CDH13: variants seen among roughly 807,000 people sequenced by gnomAD.
The protein encoded by CDH13 is cadherin 13.
In CDH13, 24 loss-of-function variants were observed where a neutral mutation model predicts 63.8. That is an observed-to-expected ratio of 0.38 (90% CI 0.27 to 0.53). The LOEUF is 0.53. Among genes scored for constraint, CDH13 ranks in the 20% least tolerant of loss-of-function variants. CDH13 has a pLI of 0.85. For missense variants in CDH13, 1,049 were observed against 903.1 expected (o/e 1.16, Z -2.07); for synonymous variants, 503 against 355.3 (o/e 1.42, Z -4.67).
intron 6 of CDH13, among the ~76,000 whole-genome samples, chr16:83,429,090 A>G (rs1221071603): frequency 6.6e-6 from 1 of 152,212 alleles, no homozygotes; most frequent in Non-Finnish European, 1.5e-5. Flanking sequence ...GAAAGATGGC[A>G]TTAATTCATG....
chr16:83,083,802 C>G (rs1462406893), intron 3 of CDH13, among the ~76,000 whole-genome samples: 1 of 152,204 alleles, frequency 6.6e-6, no homozygotes, highest in African/African-American at 2.4e-5. Context: ...TATTAACCAT[C>G]TGGTCAGGGA....
chr16:83,210,209 C>T (rs1407532864), intron 4 of CDH13, among the ~76,000 whole-genome samples: 4 of 152,064 alleles, frequency 2.6e-5, no homozygotes, highest in Non-Finnish European at 5.9e-5. Flanking sequence ...GGACTATAGG[C>T]GCCTGCCACC....
intron 1 of CDH13, among the ~76,000 whole-genome samples, chr16:82,733,629 G>T (rs2033517028): frequency 6.6e-6 from 1 of 152,158 alleles, no homozygotes; most frequent in Non-Finnish European, 1.5e-5. Flanking sequence ...GGCTTAGTGA[G>T]GTTCTATAGA....
At chr16:82,945,398 G>T (rs1200043662) in intron 2 of CDH13, among the ~76,000 whole-genome samples, 1 of 151,570 alleles carries the variant, frequency 6.6e-6, no homozygotes, top group African/African-American at 2.4e-5. Context: ...CCTGGATCAA[G>T]TACGAAATGG....
At chr16:83,505,314 G>A (rs537801239) in intron 7 of CDH13, among the ~76,000 whole-genome samples, 25 of 152,238 alleles carry the variant, frequency 1.6e-4, no homozygotes, top group African/African-American at 5.5e-4. Context: ...CCTCACCTTA[G>A]TGTACGCTGG....
chr16:83,728,798 G>A (rs977825537), intron 10 of CDH13: 1 of 152,202 alleles, frequency 6.6e-6, no homozygotes, highest in African/African-American at 2.4e-5. Context: ...AGATAGTATT[G>A]TCTTAGCTCA....
At chr16:83,634,381 A>G (rs188732213) in intron 8 of CDH13, among the ~76,000 whole-genome samples, 3 of 151,204 alleles carry the variant, frequency 2.0e-5, no homozygotes, top group East Asian at 1.9e-4. Flanking sequence ...ATCATACAAT[A>G]TGTAACTCTT....
intron 6 of CDH13, among the ~76,000 whole-genome samples, chr16:83,414,697 A>T (rs2092175182): frequency 6.6e-6 from 1 of 152,160 alleles, no homozygotes; most frequent in South Asian, 2.1e-4. Context: ...GGTTTATTTC[A>T]CGTCACATAA....
At chr16:82,774,816 G>C (rs1393082768) in intron 1 of CDH13, among the ~76,000 whole-genome samples, 2 of 152,216 alleles carry the variant, frequency 1.3e-5, no homozygotes, top group Non-Finnish European at 2.9e-5. Flanking sequence ...TGGTCAGGGT[G>C]TGTTCCTGCA....
intron 1 of CDH13, among the ~76,000 whole-genome samples, chr16:82,631,354 C>G (rs999999100): frequency 2.6e-5 from 4 of 152,182 alleles, no homozygotes; most frequent in African/African-American, 9.7e-5. Context: ...AGGAGATAAC[C>G]TTCCCCCTTA....
chr16:82,864,716 C>T (rs2040062522), intron 2 of CDH13, among the ~76,000 whole-genome samples: 1 of 152,140 alleles, frequency 6.6e-6, no homozygotes, highest in Non-Finnish European at 1.5e-5. Flanking sequence ...CCATGTTATT[C>T]CGCCCCTGGT....
chr16:82,774,342 T>C (rs1192651694), intron 1 of CDH13, among the ~76,000 whole-genome samples: 1 of 151,520 alleles, frequency 6.6e-6, no homozygotes, highest in Non-Finnish European at 1.5e-5. Context: ...TTTTTTCATT[T>C]CTACATGGCT....
At chr16:83,146,419 G>T (rs1015322900) in intron 4 of CDH13, among the ~76,000 whole-genome samples, 28 of 152,112 alleles carry the variant, frequency 1.8e-4, no homozygotes, top group Admixed American at 4.6e-4. Context: ...GTGCAGCCAT[G>T]TCAGGACCAG....
intron 4 of CDH13, 54 bp from the exon 5 acceptor site, chr16:83,217,291 G>A (rs1380540563): frequency 6.3e-7 from 1 of 1,585,938 alleles, no homozygotes. Context: ...TTTGCAATGT[G>A]CTTTCTCTGT....
At chr16:83,237,554 T>C (rs188017048) in intron 5 of CDH13, among the ~76,000 whole-genome samples, 1 of 152,366 alleles carries the variant, frequency 6.6e-6, no homozygotes, top group Admixed American at 6.5e-5. Flanking sequence ...AACTGAGTTC[T>C]TAATTACTGT....
intron 1 of CDH13, among the ~76,000 whole-genome samples, chr16:82,804,425 CAA>C (rs1419103433): frequency 6.6e-6 from 1 of 151,908 alleles, no homozygotes; most frequent in Non-Finnish European, 1.5e-5. Flanking sequence ...TAAAACATAT[CAA>C]ATTGTATACA....
At chr16:83,347,392 G>C (rs1193270071) in intron 6 of CDH13, among the ~76,000 whole-genome samples, 1 of 152,018 alleles carries the variant, frequency 6.6e-6, no homozygotes, top group African/African-American at 2.4e-5. Flanking sequence ...GTTGGGGGCT[G>C]ACTCTGGAAA....
At chr16:82,995,203 T>A (rs539393814) in intron 2 of CDH13, among the ~76,000 whole-genome samples, 7 of 152,262 alleles carry the variant, frequency 4.6e-5, no homozygotes, top group African/African-American at 1.4e-4. Flanking sequence ...TTTATTCAAC[T>A]CAACTGTGGC....
intron 1 of CDH13, among the ~76,000 whole-genome samples, chr16:82,846,689 C>T (rs1811286836): frequency 6.6e-6 from 1 of 152,190 alleles, no homozygotes; most frequent in Non-Finnish European, 1.5e-5. Flanking sequence ...GTCCATGTGT[C>T]TGTCTTTCCT....
Sources: allele counts gnomAD v4.1 joint callset (sites outside exome capture counted in the v4.1 genomes callset), GRCh38; gene constraint gnomAD v4.1.1; transcripts MANE v1.5; gene names NCBI Gene and HGNC (gene_info 2026-07-23, HGNC 2026-07-21).